Variants in CACNA1C observed in about 807,000 individuals in gnomAD.
The protein encoded by CACNA1C is voltage-dependent L-type calcium channel subunit alpha-1C.
CACNA1C carries 30 observed loss-of-function variants against 229.0 expected under a neutral mutation model. The ratio of observed to expected loss-of-function variants is 0.13; its 90% CI spans 0.10 to 0.18. The LOEUF (loss-of-function observed/expected upper bound fraction) is 0.18, where lower values mean the gene tolerates loss of function less well. Ranked by LOEUF, CACNA1C falls within the 10% of genes least tolerant of loss-of-function variation. The pLI is 1.00. For missense variants in CACNA1C, 1,658 were observed against 2,845.0 expected, an observed-to-expected ratio of 0.58 and a Z score of 9.49; for synonymous variants, 1,114 against 1,132.5, an observed-to-expected ratio of 0.98 and a Z score of 0.33.
rs1217330368 is a variant in CACNA1C at position 2,666,414 on chromosome 12, A to C, written c.4527-272A>C. Among the ~76,000 whole-genome samples the C allele has an allele frequency of 6.6e-6, 1 of 152,222 alleles. No homozygotes were observed. Among genetic ancestry groups the C allele is most frequent in the Non-Finnish European group, 1.5e-5 (1 of 68,040 alleles). ...TCATTCAATCAGCAAGTATATATTG[A>C]GAATTTTGTTGCACTGCTAAAATCC... is the stretch of plus-strand genomic sequence containing the variant. On this transcript the variant is annotated intron_variant, in intron 36 of 46. Coordinates refer to ENST00000399655, the MANE Select transcript of CACNA1C (RefSeq NM_000719.7). The surrounding 1 kb of genome is among the most constrained non-coding windows in gnomAD (Gnocchi z 5.3).
chr12:2,010,467 G>A (rs1476897921), intron 1 of CACNA1C, among the ~76,000 whole-genome samples: 1 of 152,110 alleles, frequency 6.6e-6, no homozygotes, highest in East Asian at 1.9e-4. Context: ...TCCAGTCTGG[G>A]CCTTATAGCT....
At chr12:2,514,460 A>T (rs2099791833) in intron 9 of CACNA1C, among the ~76,000 whole-genome samples, 1 of 152,176 alleles carries the variant, frequency 6.6e-6, no homozygotes, top group Non-Finnish European at 1.5e-5. Flanking sequence ...CCTTTGATGG[A>T]TTATAACAAT....
At chr12:2,648,158 A>T (rs1025254373) in intron 30 of CACNA1C, among the ~76,000 whole-genome samples, 4 of 152,086 alleles carry the variant, frequency 2.6e-5, no homozygotes, top group African/African-American at 9.7e-5. Context: ...ACCAAACAAA[A>T]AAATTATAAA....
intron 3 of CACNA1C, among the ~76,000 whole-genome samples, chr12:2,400,471 T>G (rs1241450682): frequency 6.6e-6 from 1 of 152,158 alleles, no homozygotes; most frequent in East Asian, 1.9e-4. Flanking sequence ...GAGAACCTGC[T>G]CCTTTTACCG....
chr12:2,642,606 G>C (rs2093845481), intron 30 of CACNA1C, among the ~76,000 whole-genome samples: 1 of 152,142 alleles, frequency 6.6e-6, no homozygotes, highest in Non-Finnish European at 1.5e-5. Flanking sequence ...TCCCACCCAG[G>C]GAATCATCTG....
intron 3 of CACNA1C, among the ~76,000 whole-genome samples, chr12:2,295,378 C>G (rs1417974739): frequency 6.6e-6 from 1 of 152,208 alleles, no homozygotes; most frequent in Non-Finnish European, 1.5e-5. Flanking sequence ...CTTCTTGAAG[C>G]CTTCTGCAAC....
chr12:2,077,431 G>A (rs1294142638), intron 1 of CACNA1C, among the ~76,000 whole-genome samples: 2 of 151,672 alleles, frequency 1.3e-5, no homozygotes, highest in African/African-American at 4.9e-5. Flanking sequence ...AGTAGTATTG[G>A]CTAGACTGGG....
intron 3 of CACNA1C, among the ~76,000 whole-genome samples, chr12:2,185,824 C>T (rs1320732618): frequency 6.6e-6 from 1 of 152,166 alleles, no homozygotes; most frequent in African/African-American, 2.4e-5. Context: ...CTGGGAGTGT[C>T]ACTCACCCTT....
chr12:2,341,481 A>G (rs1476216265), intron 3 of CACNA1C, among the ~76,000 whole-genome samples: 1 of 142,408 alleles, frequency 7.0e-6, no homozygotes, highest in African/African-American at 3.1e-5. Flanking sequence ...TGGAATCCCC[A>G]CTCTGGGAGG....
intron 8 of CACNA1C, among the ~76,000 whole-genome samples, chr12:2,507,154 G>A (rs181151350): frequency 9.8e-5 from 15 of 152,296 alleles, no homozygotes; most frequent in African/African-American, 3.4e-4. Context: ...TCGATACGCT[G>A]GTCTTTCCTG....
chr12:2,302,170 C>G (rs1275525716), intron 3 of CACNA1C, among the ~76,000 whole-genome samples: 2 of 152,110 alleles, frequency 1.3e-5, no homozygotes, highest in Non-Finnish European at 2.9e-5. Context: ...ACTCAGTGAG[C>G]CTCGCACAGT....
intron 5 of CACNA1C, among the ~76,000 whole-genome samples, chr12:2,461,344 C>T (rs1469263224): frequency 6.6e-6 from 1 of 152,164 alleles, no homozygotes. Context: ...GCCCTTCATT[C>T]ACTTGTTTCT....
chr12:2,069,544 AT>A (rs2060476458), intron 1 of CACNA1C, among the ~76,000 whole-genome samples: 1 of 152,232 alleles, frequency 6.6e-6, no homozygotes, highest in Admixed American at 6.5e-5. Flanking sequence ...ATACAGCCAT[AT>A]CTGGGAGCAG....
intron 3 of CACNA1C, among the ~76,000 whole-genome samples, chr12:2,315,371 T>G (rs1439901669): frequency 1.3e-5 from 2 of 152,202 alleles, no homozygotes; most frequent in Non-Finnish European, 2.9e-5. Flanking sequence ...AGATTGAATT[T>G]ATGACAACAC....
intron 3 of CACNA1C, among the ~76,000 whole-genome samples, chr12:2,421,392 T>A (rs905038533): frequency 2.6e-5 from 4 of 152,186 alleles, no homozygotes; most frequent in African/African-American, 9.7e-5. Context: ...ACGCTTGAAG[T>A]TTCATACTGT....
At position 2,029,570 on chromosome 12, in the gene CACNA1C, G is replaced by A. The variant is rs539544554; in HGVS notation, c.139+58369G>A. On this transcript the variant is annotated intron_variant, in intron 1 of 46. Coordinates refer to the CACNA1C transcript ENST00000682462. The surrounding 1 kb of genome is among the most constrained non-coding windows in gnomAD (Gnocchi z 4.9). The stretch of plus-strand genomic sequence containing the variant: ...TTCTTTCACTTAGCATAATGTTTTC[G>A]AGGTTCATCCACATTGTAGCATAAA... Among the ~76,000 whole-genome samples the A allele has an allele frequency of 3.9e-5, 6 of 152,256 alleles. No homozygotes were observed. The highest frequency in any genetic ancestry group is 1.9e-4 in the East Asian group (1 of 5,182).
In CACNA1C at chr12:2,646,792, G is replaced by T. The variant is rs550413804; in HGVS notation, c.3913-1683G>T. ...AAAGAGAGAGAGAGAGAGAGAGAGTGTGTGTGTGCGCGTGTGTGTGTCTGC... is the reference window on the plus strand; with the variant it reads ...AAAGAGAGAGAGAGAGAGAGAGAGTTTGTGTGTGCGCGTGTGTGTGTCTGC... On this transcript the variant is annotated intron_variant, in intron 30 of 46. Coordinates refer to ENST00000399655, the MANE Select transcript of CACNA1C (RefSeq NM_000719.7). This position sits in a 1 kb window ranked among gnomAD's most constrained non-coding sequence, Gnocchi z 4.6. Among the ~76,000 whole-genome samples, 187 of 151,290 alleles carry T rather than the reference G, an allele frequency of 1.2e-3. 1 individual carries two copies. The highest frequency in any genetic ancestry group is 4.4e-3 in the African/African-American group (179 of 40,988).
chr12:2,634,670 C>T (rs766605844), intron 30 of CACNA1C, among the ~76,000 whole-genome samples: 45 of 151,828 alleles, frequency 3.0e-4, no homozygotes, highest in Admixed American at 4.6e-4. Flanking sequence ...CACACTGTAT[C>T]GGAGGAAGCA....
At position 2,653,616 on chromosome 12, in the gene CACNA1C, G is replaced by A. The variant is rs1481761765; in HGVS notation, c.4075-219G>A. Among the ~76,000 whole-genome samples, 5 of 152,270 alleles carry A rather than the reference G, an allele frequency of 3.3e-5. No homozygotes were observed. Among genetic ancestry groups the A allele is most frequent in the East Asian group, 3.9e-4 (2 of 5,170 alleles). ...GTGTCGCACTATATCGTTACTCTGCGGCCTGCTTTGAAAACCAAGCTGAAA... is the reference window on the plus strand; with the variant it reads ...GTGTCGCACTATATCGTTACTCTGCAGCCTGCTTTGAAAACCAAGCTGAAA... On this transcript the variant is annotated intron_variant, in intron 32 of 46. Transcript: ENST00000399655. The surrounding 1 kb of genome is among the most constrained non-coding windows in gnomAD (Gnocchi z 4.7).
Sources: allele counts gnomAD v4.1 joint callset (sites outside exome capture counted in the v4.1 genomes callset), GRCh38; gene constraint gnomAD v4.1.1; non-coding constraint Gnocchi (gnomAD v3.1); transcripts MANE v1.5; gene names NCBI Gene and HGNC (gene_info 2026-07-23, HGNC 2026-07-21).